The following SAMD12 variants were observed in gnomAD, a reference collection of about 807,000 sequenced individuals.
The protein encoded by SAMD12 is sterile alpha motif domain containing 12.
A neutral mutation model predicts 15.0 loss-of-function variants in SAMD12; 9 were observed. The observed-to-expected ratio is 0.60, with a 90% confidence interval of 0.36 to 1.05. The LOEUF (loss-of-function observed/expected upper bound fraction) is 1.05, where lower values mean the gene tolerates loss of function less well. Among genes scored for constraint, SAMD12 ranks in the 50% least tolerant of loss-of-function variants. SAMD12 has a pLI of 0.01. For missense variants in SAMD12, 230 were observed against 234.2 expected (o/e 0.98, Z 0.12); for synonymous variants, 86 against 90.1 (o/e 0.96, Z 0.25).
chr8:118,307,491 G>A (rs1399807581), intron 4 of SAMD12, among the ~76,000 whole-genome samples: 1 of 152,208 alleles, frequency 6.6e-6, no homozygotes, highest in Non-Finnish European at 1.5e-5. Context: ...CACAAGTGAA[G>A]AGAGCTGTCA....
chr8:118,321,295 G>GT lies in SAMD12; in HGVS notation c.433+58264dup, dbSNP rs1380612836. Among the ~76,000 whole-genome samples the GT allele has an allele frequency of 2.1e-3, 187 of 87,004 alleles. 1 individual carries two copies. The highest frequency in any genetic ancestry group is 5.6e-3 in the East Asian group (12 of 2,154). 57.1% of individuals were successfully genotyped at this position (87,004 alleles called of 152,430 possible). ...AAGGGAAAAGAGGTGTTTTTTTTTT[G>GT]TTTTTTTTTTTTTTGGTTTTTTTTT... On this transcript the variant is annotated intron_variant, in intron 4 of 4. Coordinates refer to the SAMD12 transcript ENST00000409003.
chr8:118,199,102 ATAC>A (rs1819642202), intron 4 of SAMD12, among the ~76,000 whole-genome samples: 1 of 152,234 alleles, frequency 6.6e-6, no homozygotes, highest in Non-Finnish European at 1.5e-5. Flanking sequence ...CAGTTATGAT[ATAC>A]TACAATATAA....
intron 4 of SAMD12, among the ~76,000 whole-genome samples, chr8:118,366,754 G>A (rs1818787400): frequency 6.6e-6 from 1 of 151,192 alleles, no homozygotes; most frequent in Non-Finnish European, 1.5e-5. Flanking sequence ...GAAGGTTGCA[G>A]TGAACCCAGA....
chr8:118,345,517 G>C (rs1216010145), intron 4 of SAMD12, among the ~76,000 whole-genome samples: 1 of 152,222 alleles, frequency 6.6e-6, no homozygotes, highest in Non-Finnish European at 1.5e-5. Flanking sequence ...AGAGGACAGA[G>C]TGGAACCTGA....
intron 4 of SAMD12, among the ~76,000 whole-genome samples, chr8:118,258,492 A>G (rs79754042): frequency 0.099 from 15,108 of 152,108 alleles, 2,317 homozygotes; most frequent in African/African-American, 0.33. Flanking sequence ...GCCTGGCACC[A>G]TGCCACTATG....
chr8:118,621,222 C>T (rs1828395134), intron 1 of SAMD12: 1 of 153,300 alleles, frequency 6.5e-6, no homozygotes, highest in Admixed American at 6.5e-5. Flanking sequence ...GATTACATTT[C>T]ATGTCTGTAA....
chr8:118,587,204 G>C (rs1827473693), intron 1 of SAMD12, among the ~76,000 whole-genome samples: 1 of 152,146 alleles, frequency 6.6e-6, no homozygotes, highest in African/African-American at 2.4e-5. Context: ...CTTGCTTCTA[G>C]CTAAAGTTCC....
rs190520041 is a variant in SAMD12, at chr8:118,406,463, G to A, written c.323-26763C>T. The stretch of plus-strand genomic sequence containing the variant: ...TAATTTTTGTATTTTTAGTAGAGAC[G>A]GGGTTTTGCCATGTTGTCCAGGCTA... On this transcript the variant is annotated intron_variant, in intron 3 of 3. Coordinates refer to ENST00000314727, the MANE Select transcript of SAMD12 (RefSeq NM_207506.3). Among the ~76,000 whole-genome samples the A allele has an allele frequency of 1.1e-3, 160 of 151,900 alleles. 3 individuals are homozygous for A. The East Asian group carries it at 0.03, about 28-fold the overall frequency.
intron 3 of SAMD12, among the ~76,000 whole-genome samples, chr8:118,408,034 C>T (rs73311726): frequency 0.014 from 2,170 of 152,234 alleles, 67 homozygotes; most frequent in African/African-American, 0.049. Flanking sequence ...GCTGTTCTCA[C>T]TCCAGCTAAT....
intron 4 of SAMD12, among the ~76,000 whole-genome samples, chr8:118,297,604 G>T (rs971961782): frequency 6.6e-6 from 1 of 152,158 alleles, no homozygotes; most frequent in South Asian, 2.1e-4. Flanking sequence ...TTCTCAATTA[G>T]AAGAGATTAA....
At chr8:118,478,013 CAAAAA>C (rs10629817) in intron 2 of SAMD12, among the ~76,000 whole-genome samples, 3 of 88,266 alleles carry the variant, frequency 3.4e-5, no homozygotes, top group East Asian at 3.5e-4. Flanking sequence ...GACCCTGTCT[CAAAAA>C]AAAAAAAAAA....
rs1586722377 is a variant in SAMD12, at chr8:118,444,376, A to T, written c.193-4415T>A. On this transcript the variant is annotated intron_variant, in intron 2 of 3. Transcript: ENST00000314727. ...ACCCCTATGCATAGTGACACCAAGCAGAATTCCAGACATTTCCTTTCTGAA... is the reference window on the plus strand; with the variant it reads ...ACCCCTATGCATAGTGACACCAAGCTGAATTCCAGACATTTCCTTTCTGAA... 2.0e-5 allele frequency among the ~76,000 whole-genome samples: 3 copies of T among 152,322 alleles called. No homozygotes were observed. In the South Asian group the frequency reaches 6.2e-4, roughly 32 times the overall value.
chr8:118,458,950 ATGTGTGTGTGTGTGTG>A (rs56067272), intron 2 of SAMD12, among the ~76,000 whole-genome samples: 15 of 149,376 alleles, frequency 1.0e-4, no homozygotes, highest in African/African-American at 3.4e-4. Context: ...TCAGCTATAT[ATGTGTGTGTGTGTGTG>A]TGTGTGTGTG....
chr8:118,455,527 A>T (rs1328276302), intron 2 of SAMD12, among the ~76,000 whole-genome samples: 1 of 151,576 alleles, frequency 6.6e-6, no homozygotes, highest in East Asian at 1.9e-4. Flanking sequence ...TCCTATCTGT[A>T]CTCTCTCCTG....
At chr8:118,301,820 AT>A (rs1233832266) in intron 4 of SAMD12, among the ~76,000 whole-genome samples, 3 of 152,116 alleles carry the variant, frequency 2.0e-5, no homozygotes, top group African/African-American at 7.2e-5. Flanking sequence ...ATTGCTACTA[AT>A]TCTTTATGTT....
At chr8:118,185,891 A>AG (rs1262268529), downstream of SAMD12, among the ~76,000 whole-genome samples, 1 of 152,096 alleles carries the variant, frequency 6.6e-6, no homozygotes, top group Non-Finnish European at 1.5e-5. Flanking sequence ...TCTCCCTCTC[A>AG]GGGGGTCCAT....
the SAMD12 span, among the ~76,000 whole-genome samples, chr8:118,163,487 C>G: frequency 6.6e-6 from 1 of 152,172 alleles, no homozygotes; most frequent in African/African-American, 2.4e-5. Flanking sequence ...TACAGTGGTA[C>G]TCATACTGGT....
chr8:118,501,160 C>T lies in SAMD12; in HGVS notation c.193-61199G>A, dbSNP rs141857985. On this transcript the variant is annotated intron_variant, in intron 2 of 3. Coordinates refer to ENST00000314727, the MANE Select transcript of SAMD12 (RefSeq NM_207506.3). ...AGCTGTTCTATTCAGTGTGAACCTT[C>T]CCTTTACCTATTCTCTCTTCATCCA... Among the ~76,000 whole-genome samples, 869 of 152,312 alleles carry T rather than the reference C, an allele frequency of 5.7e-3. 6 individuals carry two copies. Among genetic ancestry groups the T allele is most frequent in the African/African-American group, 0.019 (810 of 41,572 alleles).
intron 1 of SAMD12, among the ~76,000 whole-genome samples, chr8:118,617,178 C>T (rs561526785): frequency 6.6e-6 from 1 of 152,292 alleles, no homozygotes; most frequent in South Asian, 2.1e-4. Context: ...TTTTATCTCC[C>T]ATGTGACTCC....
Sources: gnomAD v4.1 joint callset for allele counts (sites outside exome capture counted in the v4.1 genomes callset) on GRCh38, gnomAD v4.1.1 for gene constraint, MANE v1.5 for transcripts, NCBI Gene and HGNC (gene_info 2026-07-23, HGNC 2026-07-21) for gene names.